The following COG5 variants were observed in gnomAD, a reference collection of about 807,000 sequenced individuals.
COG5 encodes the protein component of oligomeric golgi complex 5.
Under a neutral mutation model 110.4 loss-of-function variants are expected in COG5, and 86 were observed. That is an observed-to-expected ratio of 0.78 (90% confidence interval 0.65 to 0.93). The LOEUF (loss-of-function observed/expected upper bound fraction) is 0.93, where lower values mean the gene tolerates loss of function less well. Among genes scored for constraint, COG5 ranks in the 40% least tolerant of loss-of-function variants. The pLI is 0.00. For synonymous variants in COG5, 360 were observed against 334.6 expected (o/e 1.08, Z -0.83); for missense variants, 1,077 against 987.0 (o/e 1.09, Z -1.22).
chr7:107,325,429 T>C (rs1163416365), intron 10 of COG5, among the ~76,000 whole-genome samples: 3 of 152,168 alleles, frequency 2.0e-5, no homozygotes, highest in African/African-American at 7.2e-5. Flanking sequence ...GGCGGATGGA[T>C]TACCAGAGGT....
At chr7:107,462,777 G>A (rs548150926) in intron 6 of COG5, among the ~76,000 whole-genome samples, 21 of 152,230 alleles carry the variant, frequency 1.4e-4, no homozygotes, top group African/African-American at 2.9e-4. Context: ...ATACAATAAC[G>A]AATCCAGGTA....
chr7:107,253,627 T>A (rs866527023), intron 16 of COG5, among the ~76,000 whole-genome samples: 2 of 152,160 alleles, frequency 1.3e-5, no homozygotes, highest in African/African-American at 4.8e-5. Context: ...ATATTAATTA[T>A]GTCATTCATA....
At chr7:107,233,684 T>C (rs1159533327) in intron 18 of COG5, among the ~76,000 whole-genome samples, 2 of 152,194 alleles carry the variant, frequency 1.3e-5, no homozygotes, top group Non-Finnish European at 2.9e-5. Flanking sequence ...ATGGAGTATT[T>C]GTGTATTTTT....
At chr7:107,554,166 T>A in intron 3 of COG5, 119 bp downstream of exon 3, 1 of 799,906 alleles carries the variant, frequency 1.3e-6, no homozygotes, top group Non-Finnish European at 2.2e-6. Context: ...GTTTAGTAGT[T>A]GCAACAGAGA....
intron 10 of COG5, among the ~76,000 whole-genome samples, chr7:107,345,661 C>T (rs1160005856): frequency 6.6e-6 from 1 of 151,886 alleles, no homozygotes; most frequent in Non-Finnish European, 1.5e-5. Context: ...CATCAGAGAA[C>T]ATATAGGTAA....
At chr7:107,440,408 G>A (rs1393868344) in intron 6 of COG5, among the ~76,000 whole-genome samples, 1 of 151,936 alleles carries the variant, frequency 6.6e-6, no homozygotes, top group Non-Finnish European at 1.5e-5. Context: ...AAGCTGAGAG[G>A]GATGTTGTAA....
chr7:107,209,951 T>C (rs1436377439), intron 21 of COG5: 20 of 989,460 alleles, frequency 2.0e-5, no homozygotes, highest in African/African-American at 3.5e-5. Context: ...TAATAAGCCA[T>C]GTATGACAGT....
chr7:107,315,952 A>G (rs1267790965), intron 11 of COG5, among the ~76,000 whole-genome samples: 1 of 152,178 alleles, frequency 6.6e-6, no homozygotes, highest in Non-Finnish European at 1.5e-5. Context: ...CTTTCACTAT[A>G]CAAGACAGAT....
intron 14 of COG5, among the ~76,000 whole-genome samples, chr7:107,277,959 C>T (rs545239054): frequency 1.3e-5 from 2 of 151,800 alleles, no homozygotes; most frequent in East Asian, 1.9e-4. Flanking sequence ...TCTACTATAC[C>T]CCAGAATATT....
At chr7:107,468,718 A>G (rs1796450573) in intron 6 of COG5, among the ~76,000 whole-genome samples, 1 of 152,210 alleles carries the variant, frequency 6.6e-6, no homozygotes, top group Admixed American at 6.5e-5. Context: ...AAAAATGCAT[A>G]CGGCTTTTCA....
intron 6 of COG5, chr7:107,471,887 T>C (rs1796655284): frequency 6.6e-6 from 1 of 151,974 alleles, no homozygotes; most frequent in Admixed American, 6.6e-5. Flanking sequence ...AGCAGATGGT[T>C]TTTATCAAAA....
intron 3 of COG5, among the ~76,000 whole-genome samples, chr7:107,550,904 T>A (rs535997475): frequency 9.9e-5 from 15 of 151,776 alleles, no homozygotes; most frequent in South Asian, 4.2e-4. Context: ...TTTTTTTTTT[T>A]ATCTACCTCC....
chr7:107,424,456 A>G (rs920830819), intron 6 of COG5, among the ~76,000 whole-genome samples: 7 of 151,748 alleles, frequency 4.6e-5, no homozygotes, highest in African/African-American at 1.5e-4. Context: ...ATAAAGTTAT[A>G]TACTTTAAAC....
chr7:107,338,645 A>T (rs1810913285), intron 10 of COG5, among the ~76,000 whole-genome samples: 1 of 152,144 alleles, frequency 6.6e-6, no homozygotes, highest in Admixed American at 6.5e-5. Context: ...AAACTTGAAG[A>T]TTTCTATGCA....
Position 107,454,657 on chromosome 7 carries a change from A to G in COG5, c.539-42025T>C, listed in dbSNP as rs145906344. Among the ~76,000 whole-genome samples the G allele has an allele frequency of 2.9e-3, 434 of 152,128 alleles. 2 individuals carry two copies. Among genetic ancestry groups the G allele is most frequent in the Middle Eastern group, 6.8e-3 (2 of 294 alleles). Reference sequence around the variant, plus strand: ...AAAAATGAAGAAGAGATTCTTTTGTATTTTTTCTTCCCCAACATAAACCAT... The same window carrying G: ...AAAAATGAAGAAGAGATTCTTTTGTGTTTTTTCTTCCCCAACATAAACCAT... On this transcript the variant is annotated intron_variant, in intron 6 of 21. Coordinates refer to ENST00000297135, the MANE Select transcript of COG5 (RefSeq NM_006348.5).
intron 17 of COG5, among the ~76,000 whole-genome samples, chr7:107,237,737 G>A (rs946536559): frequency 6.6e-6 from 1 of 152,224 alleles, no homozygotes; most frequent in Non-Finnish European, 1.5e-5. Flanking sequence ...CAGCAAGGCT[G>A]CTGAAGGGTG....
intron 7 of COG5, among the ~76,000 whole-genome samples, chr7:107,376,709 G>A (rs1208006023): frequency 6.6e-6 from 1 of 151,948 alleles, no homozygotes; most frequent in Non-Finnish European, 1.5e-5. Flanking sequence ...GAAGAAATAA[G>A]AGTGGTTTTT....
At chr7:107,396,221 C>T (rs190478166) in intron 7 of COG5, among the ~76,000 whole-genome samples, 1 of 152,002 alleles carries the variant, frequency 6.6e-6, no homozygotes, top group African/African-American at 2.4e-5. Flanking sequence ...CATTAAATAC[C>T]ATAATTTAAA....
At chr7:107,268,209 C>T (rs1226761546) in intron 14 of COG5, among the ~76,000 whole-genome samples, 1 of 152,130 alleles carries the variant, frequency 6.6e-6, no homozygotes, top group Non-Finnish European at 1.5e-5. Context: ...CTCAGGTGAT[C>T]CGCCTGCCTC....
Sources: allele counts gnomAD v4.1 joint callset (sites outside exome capture counted in the v4.1 genomes callset), GRCh38; gene constraint gnomAD v4.1.1; transcripts MANE v1.5; gene names NCBI Gene and HGNC (gene_info 2026-07-23, HGNC 2026-07-21).